TAB2: variants seen among roughly 807,000 people sequenced by gnomAD.
TAB2 encodes the protein TGF-beta activated kinase 1 (MAP3K7) binding protein 2.
In TAB2, 3 loss-of-function variants were observed where a neutral mutation model predicts 65.0. The observed-to-expected ratio is 0.05, with a 90% CI of 0.02 to 0.12. The LOEUF (loss-of-function observed/expected upper bound fraction) is 0.12. TAB2 is among the 10% of genes least tolerant of loss of function. The probability of loss-of-function intolerance (pLI) is 1.00; values close to 1 mark genes in which losing one functional copy is unlikely to be tolerated. For synonymous variants in TAB2, 298 were observed against 285.1 expected (o/e 1.05, Z -0.46); for missense variants, 623 against 840.3 (o/e 0.74, Z 3.20).
chr6:149,402,354 A>G (rs1002180866), intron 6 of TAB2, among the ~76,000 whole-genome samples: 3 of 152,088 alleles, frequency 2.0e-5, no homozygotes, highest in African/African-American at 7.2e-5. Context: ...AAAATATCCA[A>G]AAAAAATTGA....
rs746612578 is a variant in TAB2, at chr6:149,378,042, T to A, written c.127T>A (p.Cys43Ser). 2.5e-6 allele frequency: 4 copies of A among 1,614,094 alleles called. No individual in the cohort carries two copies. ...LQNNNNLDAC[C>S]AVLSQESTRY... is the part of the protein sequence containing the mutation. ...GAATAATAATAACCTGGATGCCTGC[T>A]GTGCTGTTCTCTCTCAGGAGAGTAC... Residue 43 changes from cysteine to serine, a missense_variant, in exon 3 of 7, where the codon TGT (cysteine) becomes AGT (serine). Around this residue, in one of 3 missense-constraint regions of TAB2, gnomAD observed 550 missense variants for 665.7 expected, o/e 0.83. Coordinates refer to ENST00000637181, the MANE Select transcript of TAB2 (RefSeq NM_001292034.3).
chr6:149,268,384 G>C (rs756780586), intron 1 of TAB2, among the ~76,000 whole-genome samples: 1 of 152,192 alleles, frequency 6.6e-6, no homozygotes, highest in African/African-American at 2.4e-5. Context: ...GAGTGGCCAT[G>C]AGCCCACCTA....
chr6:149,404,331 G>A (rs928862096), intron 6 of TAB2, among the ~76,000 whole-genome samples: 36 of 152,110 alleles, frequency 2.4e-4, no homozygotes, highest in Admixed American at 2.4e-3. Flanking sequence ...TTATGGATTG[G>A]AAGAATTAAT....
chr6:149,295,030 A>C (rs1454492352), intron 1 of TAB2, among the ~76,000 whole-genome samples: 1 of 152,226 alleles, frequency 6.6e-6, no homozygotes, highest in Non-Finnish European at 1.5e-5. Context: ...CAGTCATTTT[A>C]CTTTTATGTC....
chr6:149,240,263 C>T (rs534036150), intron 1 of TAB2, among the ~76,000 whole-genome samples: 1 of 152,286 alleles, frequency 6.6e-6, no homozygotes, highest in Non-Finnish European at 1.5e-5. Flanking sequence ...CTGCTTGGCT[C>T]AAGAGGAGGG....
chr6:149,231,913 G>A (rs1284153411), intron 1 of TAB2, among the ~76,000 whole-genome samples: 4 of 152,160 alleles, frequency 2.6e-5, no homozygotes, highest in African/African-American at 9.6e-5. Context: ...GTATCGGAGA[G>A]CAGGGTTTCT....
At chr6:149,239,203 G>A (rs1192758948) in intron 1 of TAB2, among the ~76,000 whole-genome samples, 1 of 152,240 alleles carries the variant, frequency 6.6e-6, no homozygotes, top group Non-Finnish European at 1.5e-5. Context: ...ATGTCTGGCT[G>A]TTATCAACAC....
chr6:149,362,186 CTA>C (rs1180507088), intron 1 of TAB2, among the ~76,000 whole-genome samples: 1 of 152,170 alleles, frequency 6.6e-6, no homozygotes, highest in African/African-American at 2.4e-5. Flanking sequence ...TATCAGTTTT[CTA>C]TGTTAGACCA....
At chr6:149,287,738 G>A (rs9485372) in intron 1 of TAB2, among the ~76,000 whole-genome samples, 30,465 of 152,064 alleles carry the variant, frequency 0.2, 3,265 homozygotes, top group East Asian at 0.43. Context: ...TTCTTAAACT[G>A]CCACATATCA....
rs1385232751 is a variant in TAB2, at chr6:149,252,040, A to G, written c.-121+33264A>G. 2.6e-5 allele frequency among the ~76,000 whole-genome samples: 4 copies of G among 152,318 alleles called. No individual in the cohort carries two copies. The South Asian group carries it at 6.2e-4, about 24-fold the overall frequency. ...AGGATATTTTCTTGAGATTATTTCC[A>G]TTCAATTTCTTAGAGACTTCCAGGA... On this transcript the variant is annotated intron_variant, in intron 1 of 1. Coordinates refer to the TAB2 transcript ENST00000606202.
chr6:149,377,154 C>T (rs1256228865), intron 2 of TAB2, among the ~76,000 whole-genome samples: 1 of 151,036 alleles, frequency 6.6e-6, no homozygotes, highest in Non-Finnish European at 1.5e-5. Context: ...ACTGCAAGCT[C>T]CGCCTCCCAG....
In TAB2 at chr6:149,221,341, A is replaced by G. The variant is rs191379554; in HGVS notation, c.-121+2565A>G. The G allele has an allele frequency of 1.8e-4, 28 of 152,354 alleles. No homozygotes were observed. The East Asian group carries it at 5.2e-3, about 28-fold the overall frequency. The allele number at this position is 152,354 out of a possible 1,614,324, so 9.4% of individuals were successfully genotyped here. A position where few individuals can be genotyped will look rare whatever the true frequency, so the allele number is the denominator to read the frequency against. ...AGCATATTTTACAAGCCAGAGTGTA[A>G]CAATGAGCACAATGACTGCTACCAC... On this transcript the variant is annotated intron_variant, in intron 1 of 1. Coordinates refer to the TAB2 transcript ENST00000606202.
intron 1 of TAB2, among the ~76,000 whole-genome samples, chr6:149,241,967 G>A (rs914733778): frequency 2.0e-4 from 30 of 152,026 alleles, no homozygotes; most frequent in African/African-American, 5.8e-4. Context: ...TGGCTACTGC[G>A]TTCCCCACTG....
At chr6:149,306,738 TAA>T (rs1779079641) in intron 1 of TAB2, among the ~76,000 whole-genome samples, 1 of 152,040 alleles carries the variant, frequency 6.6e-6, no homozygotes. Flanking sequence ...GGCGACAGAA[TAA>T]GACTTCGTCT....
intron 1 of TAB2, among the ~76,000 whole-genome samples, chr6:149,300,013 AT>A (rs537681811): frequency 6.6e-6 from 1 of 151,790 alleles, no homozygotes; most frequent in African/African-American, 2.4e-5. Flanking sequence ...TAAAAAAGAA[AT>A]TTTTTTTTAA....
rs535765791 is a variant in TAB2, at chr6:149,248,331, G to C, written c.-121+29555G>C. On this transcript the variant is annotated intron_variant, in intron 1 of 1. Coordinates refer to the TAB2 transcript ENST00000606202. ...TGCTCGAACCTGGGAAGCAGAGGTT[G>C]CAGTGAGCTGAGATTGTGCCACTGT... Among the ~76,000 whole-genome samples the C allele has an allele frequency of 2.0e-5, 3 of 152,242 alleles. No individual in the cohort carries two copies. In the South Asian group the frequency reaches 6.2e-4, roughly 32 times the overall value.
At chr6:149,239,269 T>C (rs929578627) in intron 1 of TAB2, among the ~76,000 whole-genome samples, 1 of 152,236 alleles carries the variant, frequency 6.6e-6, no homozygotes. Context: ...GCCTAGCCTC[T>C]TGGTCACCGT....
At chr6:149,358,833 T>G (rs565250738) in intron 1 of TAB2, among the ~76,000 whole-genome samples, 1 of 152,126 alleles carries the variant, frequency 6.6e-6, no homozygotes, top group Non-Finnish European at 1.5e-5. Flanking sequence ...TCCATTGCTT[T>G]ATAAGCTCTG....
Position 149,379,310 on chromosome 6 carries a change from A to G in TAB2, c.1395A>G (p.Lys465=). The change falls in exon 3 of 7, where the codon AAA becomes AAG. Residue 465 remains lysine, a synonymous_variant. Transcript: ENST00000637181. The part of the protein sequence containing the change: ...VTQPNTKYTF[K]ITVSPNKPPA... ...AGCCCAATACGAAATACACTTTCAA[A>G]ATTACAGTCTCTCCCAATAAGCCCC... 1 of 1,614,240 alleles carries G rather than the reference A, an allele frequency of 6.2e-7. No homozygotes were observed. The highest frequency in any genetic ancestry group is 8.5e-7 in the Non-Finnish European group (1 of 1,180,036).
Sources: gnomAD v4.1 joint callset for allele counts (sites outside exome capture counted in the v4.1 genomes callset) on GRCh38, gnomAD v4.1.1 for gene constraint, gnomAD v4.1.1 regional missense constraint, MANE v1.5 for transcripts, NCBI Gene and HGNC (gene_info 2026-07-23, HGNC 2026-07-21) for gene names.